The following CARMIL2 variants were observed in gnomAD, a reference collection of about 807,000 sequenced individuals.
The protein encoded by CARMIL2 is capping protein, Arp2/3 and myosin-I linker protein 2.
In CARMIL2, 96 loss-of-function variants were observed where a neutral mutation model predicts 173.3. That is an observed-to-expected ratio of 0.55 (90% CI 0.47 to 0.66). The LOEUF (loss-of-function observed/expected upper bound fraction) is 0.66. CARMIL2 is among the 30% of genes least tolerant of loss of function. CARMIL2 has a pLI of 0.00. For missense variants in CARMIL2, 1,771 were observed against 1,906.7 expected, an observed-to-expected ratio of 0.93 and a Z score of 1.33; for synonymous variants, 830 against 817.1, an observed-to-expected ratio of 1.02 and a Z score of -0.27.
rs367900582 is a variant in CARMIL2 at position 67,648,725 on chromosome 16, G to A, written c.1480G>A (p.Asp494Asn). The A allele has an allele frequency of 6.2e-7, 1 of 1,607,966 alleles. No homozygotes were observed. The highest frequency in any genetic ancestry group is 8.5e-7 in the Non-Finnish European group (1 of 1,177,506). The change falls in exon 16 of 38, where the codon GAC becomes AAC. Residue 494 changes from aspartate (D) to asparagine (N), a missense_variant. Around this residue, in one of 3 missense-constraint regions of CARMIL2, gnomAD observed 944 missense variants for 975.6 expected, o/e 0.97. Coordinates refer to ENST00000334583, the MANE Select transcript of CARMIL2 (RefSeq NM_001013838.3). This position sits in a 1 kb window ranked among gnomAD's most constrained non-coding sequence, Gnocchi z 6.1. ...CCTCGCGCTCAACACGCACCTCCGC[G>A]ACCTGCACCTGGACCTCAGCGCTTG... Reference protein sequence around the residue: ...DGLALNTHLRDLHLDLSACEL... With the variant: ...DGLALNTHLRNLHLDLSACEL...
At position 67,653,707 on chromosome 16, in the gene CARMIL2, G is replaced by C. The variant is rs2052773925; in HGVS notation, c.3121-442G>C. Among the ~76,000 whole-genome samples, 1 of 151,976 alleles carries C rather than the reference G, an allele frequency of 6.6e-6. No homozygotes were observed. Among genetic ancestry groups the C allele is most frequent in the African/African-American group, 2.4e-5 (1 of 41,390 alleles). ...GGGCACTGGCGGAGGGCGGGGAGGA[G>C]CCGGCTTGAGGCCCCCCAGAGGGTC... On this transcript the variant is annotated intron_variant, in intron 29 of 37. Transcript: ENST00000334583. The surrounding 1 kb of genome is among the most constrained non-coding windows in gnomAD (Gnocchi z 7.4).
In CARMIL2 at chr16:67,649,654, G is replaced by C; in HGVS notation, c.1919+35G>C. On this transcript the variant is annotated intron_variant, in intron 20 of 37. Transcript: ENST00000334583. This position sits in a 1 kb window ranked among gnomAD's most constrained non-coding sequence, Gnocchi z 6.7. ...GTCAGAGGGGTGGGACCAGCGGGCAGGGGGCGCGGTGGAGAGGAGGGCACC... is the reference window on the plus strand; with the variant it reads ...GTCAGAGGGGTGGGACCAGCGGGCACGGGGCGCGGTGGAGAGGAGGGCACC... 2 of 1,566,724 alleles carry C rather than the reference G, an allele frequency of 1.3e-6. No homozygotes were observed. The highest frequency in any genetic ancestry group is 1.2e-5 in the South Asian group (1 of 86,914).
In CARMIL2 at chr16:67,645,605, G is replaced by A; in HGVS notation, c.106G>A (p.Glu36Lys). 1 of 1,613,548 alleles carries A rather than the reference G, an allele frequency of 6.2e-7. No individual in the cohort carries two copies. The highest frequency in any genetic ancestry group is 8.5e-7 in the Non-Finnish European group (1 of 1,179,818). Residue 36 changes from glutamate (E) to lysine (K), a missense_variant, in exon 2 of 38, where the codon GAG becomes AAG. Physicochemically the swap from Glu to Lys is moderately conservative, Grantham distance 56. This residue lies in a region of CARMIL2 where 944 missense variants were observed against 975.6 expected (regional missense o/e 0.97). Coordinates refer to ENST00000334583, the MANE Select transcript of CARMIL2 (RefSeq NM_001013838.3). The part of the protein sequence containing the change: ...ELLLKTWLPG[E>K]GAVQNHVLAL... ...GCTGCTGAAAACCTGGCTACCCGGG[G>A]AGGGTGCTGTGCAAAACCATGTCCT...
rs1597748070 is a variant in CARMIL2, at chr16:67,648,724, C to T, written c.1479C>T (p.Arg493=). 1.9e-6 allele frequency: 3 copies of T among 1,607,860 alleles called. No homozygotes were observed. Among genetic ancestry groups the T allele is most frequent in the African/African-American group, 1.3e-5 (1 of 74,870 alleles). The change falls in exon 16 of 38, where the codon CGC becomes CGT. Residue 493 remains arginine (R), a synonymous_variant. Transcript: ENST00000334583. The surrounding 1 kb of genome is among the most constrained non-coding windows in gnomAD (Gnocchi z 6.1). ...LDGLALNTHL[R]DLHLDLSACE... is the part of the protein sequence containing the mutation. The stretch of plus-strand genomic sequence containing the variant: ...GCCTCGCGCTCAACACGCACCTCCG[C>T]GACCTGCACCTGGACCTCAGCGCTT...
In CARMIL2 at chr16:67,645,359, C is replaced by T. The variant is rs575138408; in HGVS notation, c.40+73C>T. On this transcript the variant is annotated intron_variant, in intron 1 of 37. Transcript: ENST00000334583. Reference sequence around the variant, plus strand: ...GCCCCAAAATCAGAGGCCCACCCAGCGCCCCAGAGGGCCTGGTCAGAGGTC... The same window carrying T: ...GCCCCAAAATCAGAGGCCCACCCAGTGCCCCAGAGGGCCTGGTCAGAGGTC... 35 of 1,505,604 alleles carry T rather than the reference C, an allele frequency of 2.3e-5. No homozygotes were observed. In the African/African-American group the frequency reaches 4.0e-4, roughly 17 times the overall value. The allele number at this position is 1,505,604 out of a possible 1,614,324, so 93.3% of individuals were successfully genotyped here.
At chr16:67,645,856 C>T in intron 3 of CARMIL2, 79 bp downstream of exon 3, 2 of 1,584,700 alleles carry the variant, frequency 1.3e-6, no homozygotes, top group Non-Finnish European at 8.6e-7. Context: ...AGTGGTCCTT[C>T]TTGGCCTTGT....
rs537700275 is a variant in CARMIL2 at position 67,654,184 on chromosome 16, C to T, written c.3156C>T (p.Leu1052=). 91 of 1,567,176 alleles carry T rather than the reference C, an allele frequency of 5.8e-5. No individual in the cohort carries two copies. In the South Asian group the frequency reaches 1.0e-3, roughly 17 times the overall value. ...CCTTGCCGCAGGAAGGGAATGGGCTCAGTGCCCGCGTGGACGAGGGCGTGG... is the reference window on the plus strand; with the variant it reads ...CCTTGCCGCAGGAAGGGAATGGGCTTAGTGCCCGCGTGGACGAGGGCGTGG... ...PPALPQEGNG[L]SARVDEGVEE... is the part of the protein sequence containing the mutation. Residue 1052 remains leucine (L), a synonymous_variant, in exon 30 of 38, where the codon CTC becomes CTT. Coordinates refer to ENST00000334583, the MANE Select transcript of CARMIL2 (RefSeq NM_001013838.3).
In CARMIL2 at chr16:67,648,394, C is replaced by A. The variant is rs761298930; in HGVS notation, c.1335-4C>A. ...CCCCAGGCCCACCTTCCCACTTCCC[C>A]CAGGAAGTCCCGCGCCGCGCCGGCC... On this transcript the variant is annotated splice_polypyrimidine_tract_variant and splice_region_variant and intron_variant, in intron 14 of 37. Transcript: ENST00000334583. This position sits in a 1 kb window ranked among gnomAD's most constrained non-coding sequence, Gnocchi z 6.1. 8 of 1,533,228 alleles carry A rather than the reference C, an allele frequency of 5.2e-6. No individual in the cohort carries two copies. The East Asian group carries it at 1.9e-4, about 37-fold the overall frequency. 95.0% of individuals were successfully genotyped at this position (1,533,228 alleles called of 1,614,324 possible). A position where few individuals can be genotyped will look rare whatever the true frequency, so the allele number is the denominator to read the frequency against.
chr16:67,648,172 G>T lies in CARMIL2; in HGVS notation c.1192G>T (p.Asp398Tyr). The T allele has an allele frequency of 6.2e-7, 1 of 1,609,586 alleles. No individual in the cohort carries two copies. ...GGGGGGATGGATGACCGGCAGGGCG[G>T]ACTGGAGGGCGGGACGGGGAGGGCT... ...SVGGWMTGRADWRAGRGGLGP... is the reference protein window; with the variant it reads ...SVGGWMTGRAYWRAGRGGLGP... The change falls in exon 14 of 38, where the codon GAC becomes TAC. Residue 398 changes from aspartate (D) to tyrosine (Y), a missense_variant. Transcript: ENST00000334583. The surrounding 1 kb of genome is among the most constrained non-coding windows in gnomAD (Gnocchi z 6.1).
At chr16:67,647,213 G>T (rs368456403) in intron 9 of CARMIL2, 22 bp downstream of exon 9, 2 of 1,613,422 alleles carry the variant, frequency 1.2e-6, no homozygotes, top group Non-Finnish European at 1.7e-6. Flanking sequence ...CGGGGTAAGG[G>T]CAGGGAGGGG....
Position 67,653,004 on chromosome 16 carries a change from GT to G in CARMIL2, c.2885-14del. On this transcript the variant is annotated splice_polypyrimidine_tract_variant and intron_variant, in intron 28 of 37. Transcript: ENST00000334583. This position sits in a 1 kb window ranked among gnomAD's most constrained non-coding sequence, Gnocchi z 7.4. ...GGGCTCGGCGCTCGGTGCTCTTCTG[GT>G]GCTGTCCCCTCAGGTGCTGCTGAGG... 1 of 1,257,684 alleles carries G rather than the reference GT, an allele frequency of 8.0e-7. No individual in the cohort carries two copies. The highest frequency in any genetic ancestry group is 1.4e-5 in the South Asian group (1 of 71,536). 77.9% of individuals were successfully genotyped at this position (1,257,684 alleles called of 1,614,324 possible). A position where few individuals can be genotyped will look rare whatever the true frequency, so the allele number is the denominator to read the frequency against.
In CARMIL2 at chr16:67,656,887, G is replaced by A. The variant is rs570714614; in HGVS notation, c.4117+6G>A. On this transcript the variant is annotated splice_donor_region_variant and intron_variant, in intron 36 of 37. Coordinates refer to ENST00000334583, the MANE Select transcript of CARMIL2 (RefSeq NM_001013838.3). ...CCAGCTCCAGGCCCCTGCTGGTGAG[G>A]GGAGACACCTCCACGTGTGCTTGAA... The A allele has an allele frequency of 2.5e-4, 381 of 1,542,034 alleles. 5 individuals carry two copies. In the South Asian group the frequency reaches 4.3e-3, roughly 17 times the overall value.
chr16:67,656,384 A>G (rs780669670), intron 34 of CARMIL2, 40 bp from the exon 35 acceptor site: 2 of 1,610,080 alleles, frequency 1.2e-6, no homozygotes, highest in Middle Eastern at 1.7e-4. Flanking sequence ...CCTATCGCCA[A>G]TGCCTGACCA....
In CARMIL2 at chr16:67,657,064, C is replaced by T; in HGVS notation, c.4118-175C>T. The T allele has an allele frequency of 1.3e-6, 1 of 758,546 alleles. No individual in the cohort carries two copies. Among genetic ancestry groups the T allele is most frequent in the Non-Finnish European group, 2.2e-6 (1 of 460,910 alleles). 47.0% of individuals were successfully genotyped at this position (758,546 alleles called of 1,614,324 possible). ...CAAGCCCTTCCAACTAGCACTGGCT[C>T]CACTTCCCGAAGAGCAGCCTCTGCC... On this transcript the variant is annotated intron_variant, in intron 36 of 37. Coordinates refer to ENST00000334583, the MANE Select transcript of CARMIL2 (RefSeq NM_001013838.3). The surrounding 1 kb of genome is among the most constrained non-coding windows in gnomAD (Gnocchi z 4.5).
chr16:67,656,017 C>A lies in CARMIL2; in HGVS notation c.3706-14C>A. ...GCGGGCAGGGCTGGAATCTGATTGCCCTGTTTCCTGCAGAGCAAAGATGGC... is the reference window on the plus strand; with the variant it reads ...GCGGGCAGGGCTGGAATCTGATTGCACTGTTTCCTGCAGAGCAAAGATGGC... On this transcript the variant is annotated splice_polypyrimidine_tract_variant and intron_variant, in intron 32 of 37. Coordinates refer to ENST00000334583, the MANE Select transcript of CARMIL2 (RefSeq NM_001013838.3). 6.3e-7 allele frequency: 1 copy of A among 1,585,390 alleles called. No individual in the cohort carries two copies. Among genetic ancestry groups the A allele is most frequent in the East Asian group, 2.3e-5 (1 of 43,470 alleles).
chr16:67,648,623 T>C lies in CARMIL2; in HGVS notation c.1440-62T>C. The C allele has an allele frequency of 2.0e-6, 3 of 1,532,136 alleles. No homozygotes were observed. Among genetic ancestry groups the C allele is most frequent in the Non-Finnish European group, 2.7e-6 (3 of 1,126,832 alleles). 94.9% of individuals were successfully genotyped at this position (1,532,136 alleles called of 1,614,324 possible). On this transcript the variant is annotated intron_variant, in intron 15 of 37. Coordinates refer to ENST00000334583, the MANE Select transcript of CARMIL2 (RefSeq NM_001013838.3). The surrounding 1 kb of genome is among the most constrained non-coding windows in gnomAD (Gnocchi z 6.1). ...CCCCCAGATCCTGGCCCTGCCTCCT[T>C]CGTTCGCACCCTGGAGCCCCCTGTC...
chr16:67,657,024 G>A lies in CARMIL2; in HGVS notation c.4117+143G>A, dbSNP rs2052875587. On this transcript the variant is annotated intron_variant, in intron 36 of 37. Coordinates refer to ENST00000334583, the MANE Select transcript of CARMIL2 (RefSeq NM_001013838.3). This position sits in a 1 kb window ranked among gnomAD's most constrained non-coding sequence, Gnocchi z 4.5. ...AAATCAGGGAGCCAGAAGACCAGGTGCAAGGGTTTGACAGCAAGCCCTTCC... is the reference window on the plus strand; with the variant it reads ...AAATCAGGGAGCCAGAAGACCAGGTACAAGGGTTTGACAGCAAGCCCTTCC... The A allele has an allele frequency of 1.3e-6, 1 of 790,492 alleles. No homozygotes were observed. The highest frequency in any genetic ancestry group is 2.7e-5 in the Admixed American group (1 of 36,414). The allele number at this position is 790,492 out of a possible 1,614,324, so 49.0% of individuals were successfully genotyped here.
chr16:67,656,749 G>A, intron 35 of CARMIL2, 52 bp from the exon 36 acceptor site: 1 of 1,554,014 alleles, frequency 6.4e-7, no homozygotes, highest in South Asian at 1.2e-5. Context: ...GGAGGCAAGG[G>A]CTGGAGTGGG....
At chr16:67,650,353 G>T in intron 22 of CARMIL2, 1 of 591,196 alleles carries the variant, frequency 1.7e-6, no homozygotes, top group Non-Finnish European at 3.0e-6. Context: ...GCTGCCTAAC[G>T]TTAAGCCTGT....
Sources: gnomAD v4.1 joint callset for allele counts (sites outside exome capture counted in the v4.1 genomes callset) on GRCh38, gnomAD v4.1.1 for gene constraint, gnomAD v4.1.1 regional missense constraint, Gnocchi (gnomAD v3.1) non-coding constraint, MANE v1.5 for transcripts, NCBI Gene and HGNC (gene_info 2026-07-23, HGNC 2026-07-21) for gene names.